The following RALGDS variants were observed in gnomAD, a reference collection of about 807,000 sequenced individuals.
The protein encoded by RALGDS is ral guanine nucleotide exchange factor.
RALGDS carries 44 observed loss-of-function variants against 99.8 expected under a neutral mutation model. That is an observed-to-expected ratio of 0.44 (90% CI 0.35 to 0.57). The LOEUF is 0.57. RALGDS is among the 20% of genes least tolerant of loss of function. The pLI is 0.01. For missense variants in RALGDS, 1,022 were observed against 1,203.1 expected (o/e 0.85, Z 2.23); for synonymous variants, 529 against 505.0 (o/e 1.05, Z -0.64).
At chr9:133,126,197 C>T (rs1277637996), upstream of RALGDS, among the ~76,000 whole-genome samples, 3 of 152,046 alleles carry the variant, frequency 2.0e-5, no homozygotes, top group South Asian at 2.1e-4. Flanking sequence ...CCCCCACACC[C>T]CCACCTAGCC....
chr9:133,103,109 T>C (rs907933350), intron 12 of RALGDS, 121 bp downstream of exon 12: 4 of 1,440,412 alleles, frequency 2.8e-6, no homozygotes, highest in Non-Finnish European at 3.9e-6. Context: ...GACCCCCTTC[T>C]CTCTGTGTCC....
In RALGDS at chr9:133,108,101, G is replaced by A; in HGVS notation, c.1084C>T (p.Gln362Ter). The A allele has an allele frequency of 6.2e-7, 1 of 1,613,734 alleles. No individual in the cohort carries two copies. The highest frequency in any genetic ancestry group is 8.5e-7 in the Non-Finnish European group (1 of 1,180,036). The change falls in exon 6 of 18, where the codon CAG (glutamine) becomes TAG (stop). Residue 362 changes from glutamine to a stop codon, truncating the protein, a stop_gained. Coordinates refer to ENST00000372050, the MANE Select transcript of RALGDS (RefSeq NM_006266.4). LOFTEE classifies it high-confidence loss of function. Reference protein sequence around the residue: ...EPAPAPVPSLQPSWPSPVVAE... With the variant: ...EPAPAPVPSL ...ACCACAGGTGAAGGCCAGGAAGGCT[G>A]TAATGATGGAACTGGTGCTGGAGCT...
At chr9:133,109,802 T>G in intron 3 of RALGDS, 81 bp from the exon 4 acceptor site, 2 of 1,113,014 alleles carry the variant, frequency 1.8e-6, no homozygotes, top group Non-Finnish European at 2.7e-6. Context: ...TTTTTTTGCT[T>G]TTTTTCATCA....
chr9:133,134,904 C>T (rs1021674672), upstream of RALGDS, among the ~76,000 whole-genome samples: 1 of 152,222 alleles, frequency 6.6e-6, no homozygotes, highest in African/African-American at 2.4e-5. Context: ...CAAAGCCACA[C>T]AGCAGAGCAG....
At chr9:133,133,236 G>T (rs2119256102), upstream of RALGDS, among the ~76,000 whole-genome samples, 1 of 152,362 alleles carries the variant, frequency 6.6e-6, no homozygotes, top group Non-Finnish European at 1.5e-5. Flanking sequence ...GAGCCAGGGT[G>T]GGCAGGGCTA....
In RALGDS at chr9:133,102,478, G is replaced by A. The variant is rs1290747642; in HGVS notation, c.2007C>T (p.Ser669=). 1.9e-6 allele frequency: 3 copies of A among 1,613,820 alleles called. No individual in the cohort carries two copies. The highest frequency in any genetic ancestry group is 2.5e-6 in the Non-Finnish European group (3 of 1,179,850). ...KKNTAIVKRW[S]DRQAPSTELS... ...ACCACCCTTGGCCAGGCCCTTACTC[G>A]CTCCAGCGCTTGACAATGGCTGTGT... Residue 669 remains serine (S), a splice_region_variant and synonymous_variant, in exon 14 of 18, where the codon AGC becomes AGT. Transcript: ENST00000372050.
Position 133,102,486 on chromosome 9 carries a change from G to A in RALGDS, c.1999C>T (p.Arg667Cys), listed in dbSNP as rs201385367. ...TGGCCAGGCCCTTACTCGCTCCAGC[G>A]CTTGACAATGGCTGTGTTCTTCTTG... ...RTKKNTAIVKRWSDRQAPSTE... is the reference protein window; with the variant it reads ...RTKKNTAIVKCWSDRQAPSTE... Residue 667 changes from arginine to cysteine, a missense_variant, in exon 14 of 18, where the codon CGC becomes TGC. Around this residue, in one of 3 missense-constraint regions of RALGDS, gnomAD observed 825 missense variants for 994.5 expected, o/e 0.83. Transcript: ENST00000372050. The A allele has an allele frequency of 1.9e-5, 31 of 1,614,044 alleles. No individual in the cohort carries two copies. Among genetic ancestry groups the A allele is most frequent in the East Asian group, 8.9e-5 (4 of 44,882 alleles).
At chr9:133,109,480 C>A in intron 4 of RALGDS, 146 bp downstream of exon 4, 1 of 798,992 alleles carries the variant, frequency 1.3e-6, no homozygotes, top group Admixed American at 2.0e-5. Flanking sequence ...GCGAAGCCCC[C>A]AGACCCCAGC....
chr9:133,130,522 G>GA (rs1832305265), intron 1 of RALGDS, among the ~76,000 whole-genome samples: 1 of 152,098 alleles, frequency 6.6e-6, no homozygotes, highest in South Asian at 2.1e-4. Flanking sequence ...CCACCATTCA[G>GA]AAAAAACACC....
Position 133,106,012 on chromosome 9 carries a change from T to C in RALGDS, c.1522A>G (p.Ser508Gly), listed in dbSNP as rs757675010. ...GACAGCTTCTGAAAGATCCGGAAAC[T>C]GTCCCTGTCAGAAGGGCAAAGAAGG... ...KKTWEDVSRD[S>G]FRIFQKLSEI... The change falls in exon 9 of 18, where the codon AGT becomes GGT. Residue 508 changes from serine (S) to glycine (G), a missense_variant. Ser to Gly is a moderately conservative substitution (Grantham distance 56, BLOSUM62 0). Coordinates refer to ENST00000372050, the MANE Select transcript of RALGDS (RefSeq NM_006266.4). 132 of 1,604,018 alleles carry C rather than the reference T, an allele frequency of 8.2e-5. No individual in the cohort carries two copies. Among genetic ancestry groups the C allele is most frequent in the Non-Finnish European group, 1.1e-4 (130 of 1,175,490 alleles).
chr9:133,103,352 C>A, intron 11 of RALGDS, 90 bp from the exon 12 acceptor site: 1 of 1,527,462 alleles, frequency 6.5e-7, no homozygotes, highest in South Asian at 1.1e-5. Context: ...AGAGTGCCCA[C>A]CAGGGGGCAG....
intron 1 of RALGDS, among the ~76,000 whole-genome samples, chr9:133,127,415 C>T (rs1832195149): frequency 6.6e-6 from 1 of 152,272 alleles, no homozygotes; most frequent in South Asian, 2.1e-4. Flanking sequence ...AAACCTGTCA[C>T]CTCCTGTTGG....
At chr9:133,115,048 T>C (rs1044226582) in intron 1 of RALGDS, among the ~76,000 whole-genome samples, 1 of 152,140 alleles carries the variant, frequency 6.6e-6, no homozygotes, top group African/African-American at 2.4e-5. Context: ...CAGGATGCCG[T>C]GTCCCTGGCT....
At chr9:133,099,613 C>T (rs1312894633) in intron 17 of RALGDS, 3 of 155,490 alleles carry the variant, frequency 1.9e-5, no homozygotes, top group African/African-American at 4.8e-5. Flanking sequence ...TATATATACA[C>T]ACACATATAC....
intron 8 of RALGDS, 78 bp downstream of exon 8, chr9:133,106,567 A>G (rs749407759): frequency 6.9e-6 from 8 of 1,157,864 alleles, no homozygotes; most frequent in South Asian, 1.3e-5. Flanking sequence ...GTGGCCTCCC[A>G]TGGGCTCACT....
chr9:133,125,971 C>T (rs79778048), upstream of RALGDS, among the ~76,000 whole-genome samples: 24 of 152,274 alleles, frequency 1.6e-4, no homozygotes, highest in South Asian at 8.3e-4. Flanking sequence ...AACCCGAGTC[C>T]GGATGCCCAC....
At chr9:133,132,670 C>T (rs889812926), upstream of RALGDS, among the ~76,000 whole-genome samples, 17 of 151,682 alleles carry the variant, frequency 1.1e-4, no homozygotes, top group Admixed American at 6.6e-5. Flanking sequence ...GACGGAGTCT[C>T]GCTCTGTCAC....
chr9:133,119,801 G>A (rs540978863), intron 1 of RALGDS, among the ~76,000 whole-genome samples: 4 of 152,216 alleles, frequency 2.6e-5, no homozygotes, highest in Admixed American at 6.5e-5. Flanking sequence ...TCTCTCAGGC[G>A]TGTGGTGTTC....
In RALGDS at chr9:133,110,375, G is replaced by C. The variant is rs759530742; in HGVS notation, c.409C>G (p.Leu137Val). Residue 137 changes from leucine to valine, a missense_variant, in exon 3 of 18, where the codon CTC (leucine) becomes GTC (valine). Leu to Val is a conservative substitution (Grantham distance 32, BLOSUM62 1). Coordinates refer to ENST00000372050, the MANE Select transcript of RALGDS (RefSeq NM_006266.4). ...CACAGGAAGATGGTGACGTAGGAGA[G>C]GTCGCTGCCCTGGAAGGCTGGCACC... ...HLVPAFQGSD[L>V]SYVTIFLCTY... 6.2e-7 allele frequency: 1 copy of C among 1,613,748 alleles called. No homozygotes were observed. Among genetic ancestry groups the C allele is most frequent in the South Asian group, 1.1e-5 (1 of 91,086 alleles).
Sources: allele counts gnomAD v4.1 joint callset (sites outside exome capture counted in the v4.1 genomes callset), GRCh38; gene constraint gnomAD v4.1.1; regional missense constraint gnomAD v4.1.1; transcripts MANE v1.5; gene names NCBI Gene and HGNC (gene_info 2026-07-23, HGNC 2026-07-21).